The following ABCC4 variants were observed in gnomAD, a reference collection of about 807,000 sequenced individuals.
ABCC4 encodes the protein ATP binding cassette subfamily C member 4 (PEL blood group), also known as ATP-binding cassette sub-family C member 4.
In ABCC4, 102 loss-of-function variants were observed where a neutral mutation model predicts 168.5. The ratio of observed to expected loss-of-function variants is 0.61; its 90% confidence interval spans 0.52 to 0.71. The LOEUF (loss-of-function observed/expected upper bound fraction) is 0.71, where lower values mean the gene tolerates loss of function less well. Ranked by LOEUF, ABCC4 falls within the 30% of genes least tolerant of loss-of-function variation. The probability of loss-of-function intolerance (pLI) is 0.00; values close to 1 mark genes in which losing one functional copy is unlikely to be tolerated. For synonymous variants in ABCC4, 617 were observed against 590.7 expected, an observed-to-expected ratio of 1.04 and a Z score of -0.65; for missense variants, 1,402 against 1,605.8, an observed-to-expected ratio of 0.87 and a Z score of 2.17.
At chr13:95,300,294 G>T (rs2041641726) in intron 1 of ABCC4, among the ~76,000 whole-genome samples, 1 of 152,084 alleles carries the variant, frequency 6.6e-6, no homozygotes, top group Admixed American at 6.6e-5. Context: ...TCAAGACCAT[G>T]GATCACCTCT....
chr13:95,204,042 A>G (rs534674432), intron 8 of ABCC4, among the ~76,000 whole-genome samples: 1 of 152,274 alleles, frequency 6.6e-6, no homozygotes, highest in South Asian at 2.1e-4. Context: ...CGGCAGGAAC[A>G]AAAGTACCAC....
At chr13:95,081,318 G>C (rs970560872) in intron 21 of ABCC4, among the ~76,000 whole-genome samples, 3 of 152,084 alleles carry the variant, frequency 2.0e-5, no homozygotes, top group South Asian at 2.1e-4. Context: ...GACAGTCTAC[G>C]TCAAGATGTT....
intron 1 of ABCC4, among the ~76,000 whole-genome samples, chr13:95,281,247 T>C (rs755958000): frequency 4.3e-4 from 60 of 138,632 alleles, no homozygotes; most frequent in Non-Finnish European, 7.8e-4. Flanking sequence ...GAGGTGGACG[T>C]TGCAGTGAGC....
At position 95,151,572 on chromosome 13, in the gene ABCC4, AAGG is replaced by A. The variant is rs1566467927; in HGVS notation, c.2455+9614_2455+9616del. 5.4e-5 allele frequency among the ~76,000 whole-genome samples: 8 copies of A among 147,458 alleles called. 1 individual carries two copies. Among genetic ancestry groups the A allele is most frequent in the African/African-American group, 1.8e-4 (7 of 39,510 alleles). On this transcript the variant is annotated intron_variant, in intron 19 of 30. Coordinates refer to ENST00000645237, the MANE Select transcript of ABCC4 (RefSeq NM_005845.5). ...GGAGGAGGAGGAGGAGAAGGAGAAGAAGGAGGAGGAGAAGGAGAAGAAGGAGGA... is the reference window on the plus strand; with the variant it reads ...GGAGGAGGAGGAGGAGAAGGAGAAGAAGGAGGAGAAGGAGAAGAAGGAGGA...
At chr13:95,065,873 T>C (rs1017694262) in intron 25 of ABCC4, among the ~76,000 whole-genome samples, 1 of 152,216 alleles carries the variant, frequency 6.6e-6, no homozygotes, top group Non-Finnish European at 1.5e-5. Flanking sequence ...ACTTGCCCCA[T>C]CACATCTTGC....
intron 19 of ABCC4, among the ~76,000 whole-genome samples, chr13:95,140,194 T>C (rs2036273643): frequency 6.6e-6 from 1 of 152,192 alleles, no homozygotes; most frequent in Non-Finnish European, 1.5e-5. Flanking sequence ...CCATAACTGG[T>C]ACACCTACGG....
chr13:95,090,420 C>G (rs559602409), intron 20 of ABCC4, among the ~76,000 whole-genome samples: 15 of 152,252 alleles, frequency 9.9e-5, no homozygotes, highest in Admixed American at 9.2e-4. Flanking sequence ...CTGAGAGACC[C>G]AAAGAGATCT....
intron 1 of ABCC4, among the ~76,000 whole-genome samples, chr13:95,251,419 AG>A (rs1262619256): frequency 4.6e-5 from 7 of 152,218 alleles, no homozygotes; most frequent in African/African-American, 1.7e-4. Flanking sequence ...CATTGAATCA[AG>A]ATTGTTCTCT....
At position 95,227,624 on chromosome 13, in the gene ABCC4, C is replaced by A. The variant is rs547526048; in HGVS notation, c.531+6986G>T. Among the ~76,000 whole-genome samples, 4 of 152,316 alleles carry A rather than the reference C, an allele frequency of 2.6e-5. No homozygotes were observed. The South Asian group carries it at 8.3e-4, about 32-fold the overall frequency. On this transcript the variant is annotated intron_variant, in intron 4 of 30. Transcript: ENST00000645237. Reference sequence around the variant, plus strand: ...TCTCTACGAATCTTCAGAAAGGAAACCGATCTACAGACTAATAGACAAAAG... The same window carrying A: ...TCTCTACGAATCTTCAGAAAGGAAAACGATCTACAGACTAATAGACAAAAG...
At chr13:95,206,891 C>G in intron 7 of ABCC4, 110 bp from the exon 8 acceptor site, 1 of 1,341,970 alleles carries the variant, frequency 7.5e-7, no homozygotes, top group Non-Finnish European at 1.0e-6. Context: ...TGTTTGAACC[C>G]AGGAGTTTGA....
At chr13:95,083,866 C>G (rs114319036) in intron 20 of ABCC4, among the ~76,000 whole-genome samples, 1 of 151,988 alleles carries the variant, frequency 6.6e-6, no homozygotes, top group East Asian at 1.9e-4. Flanking sequence ...ATGAGTCAGG[C>G]ATTATTACTT....
At chr13:95,296,174 ACACAC>A (rs1566609462) in intron 1 of ABCC4, among the ~76,000 whole-genome samples, 1 of 85,654 alleles carries the variant, frequency 1.2e-5, no homozygotes, top group African/African-American at 4.0e-5. Flanking sequence ...ACACACACAC[ACACAC>A]ACACAAAAAC....
At chr13:95,109,384 G>A (rs1280035331) in intron 20 of ABCC4, among the ~76,000 whole-genome samples, 2 of 91,332 alleles carry the variant, frequency 2.2e-5, no homozygotes, top group African/African-American at 4.2e-5. Flanking sequence ...TGAGCCACAG[G>A]TGTGCAAACA....
chr13:95,162,290 T>C (rs751513797), intron 18 of ABCC4, among the ~76,000 whole-genome samples: 11 of 152,208 alleles, frequency 7.2e-5, no homozygotes, highest in Non-Finnish European at 1.2e-4. Flanking sequence ...AAGCGATCGA[T>C]GAAATAAACA....
intron 1 of ABCC4, among the ~76,000 whole-genome samples, chr13:95,270,543 C>A (rs1404978702): frequency 6.6e-6 from 1 of 152,130 alleles, no homozygotes; most frequent in African/African-American, 2.4e-5. Context: ...TTTGGTGAGA[C>A]CCTGTGGCAC....
chr13:95,210,727 T>A lies in ABCC4; in HGVS notation c.586A>T (p.Asn196Tyr). 6.2e-7 allele frequency: 1 copy of A among 1,614,186 alleles called. No homozygotes were observed. The highest frequency in any genetic ancestry group is 8.5e-7 in the Non-Finnish European group (1 of 1,180,010). Residue 196 changes from asparagine (N) to tyrosine (Y), a missense_variant, in exon 5 of 31, where the codon AAT becomes TAT. By Grantham distance (143) the Asn-to-Tyr change is moderately radical (BLOSUM62 -2). Around this residue, in one of 3 missense-constraint regions of ABCC4, gnomAD observed 317 missense variants for 345.5 expected, o/e 0.92. Transcript: ENST00000645237. ...MGKTTTGQIV[N>Y]LLSNDVNKFD... ...TTGTTCACATCATTGGACAGCAGAT[T>A]GACTATCTGGCCTGTGGTTGTCTTC...
chr13:95,060,969 A>C (rs1451182272), intron 26 of ABCC4, among the ~76,000 whole-genome samples: 1 of 152,122 alleles, frequency 6.6e-6, no homozygotes, highest in Non-Finnish European at 1.5e-5. Context: ...TGACTAGTCT[A>C]GGTATCTCAT....
chr13:95,124,834 C>T (rs1461822113), intron 19 of ABCC4, among the ~76,000 whole-genome samples: 1 of 149,550 alleles, frequency 6.7e-6, no homozygotes, highest in Non-Finnish European at 1.5e-5. Flanking sequence ...GCCGAAATCA[C>T]ACCACTGTAC....
At chr13:95,212,306 A>C (rs1438213099) in intron 4 of ABCC4, among the ~76,000 whole-genome samples, 1 of 152,218 alleles carries the variant, frequency 6.6e-6, no homozygotes, top group Non-Finnish European at 1.5e-5. Context: ...TGTAGGAAAG[A>C]AACAGAACGT....
Sources: allele counts gnomAD v4.1 joint callset (sites outside exome capture counted in the v4.1 genomes callset), GRCh38; gene constraint gnomAD v4.1.1; regional missense constraint gnomAD v4.1.1; transcripts MANE v1.5; gene names NCBI Gene and HGNC (gene_info 2026-07-23, HGNC 2026-07-21).